Variants in RYR2 observed in about 807,000 individuals in gnomAD.
RYR2 encodes cardiac muscle ryanodine receptor-calcium release channel.
Under a neutral mutation model 601.1 loss-of-function variants are expected in RYR2, and 227 were observed. The ratio of observed to expected loss-of-function variants is 0.38; its 90% CI spans 0.34 to 0.42. The LOEUF (loss-of-function observed/expected upper bound fraction) is 0.42, where lower values mean the gene tolerates loss of function less well. Ranked by LOEUF, RYR2 falls within the 10% of genes least tolerant of loss-of-function variation. The pLI is 1.00. For missense variants in RYR2, 4,646 were observed against 6,156.5 expected (o/e 0.75, Z 8.21); for synonymous variants, 2,223 against 2,175.1 (o/e 1.02, Z -0.61).
At chr1:237,313,556 C>A (rs769112884) in intron 2 of RYR2, among the ~76,000 whole-genome samples, 1 of 152,182 alleles carries the variant, frequency 6.6e-6, no homozygotes, top group Non-Finnish European at 1.5e-5. Flanking sequence ...CAGATTCTCC[C>A]TGGCGAGCTT....
At chr1:237,682,754 C>A (rs373418163) in intron 62 of RYR2, among the ~76,000 whole-genome samples, 1 of 152,058 alleles carries the variant, frequency 6.6e-6, no homozygotes, top group Non-Finnish European at 1.5e-5. Context: ...ATAGAAAAAG[C>A]GTTGGTAAAT....
chr1:237,373,246 A>T (rs1301178956), intron 6 of RYR2, among the ~76,000 whole-genome samples: 1 of 152,114 alleles, frequency 6.6e-6, no homozygotes, highest in East Asian at 1.9e-4. Context: ...AAGTTTAGGG[A>T]CCCTGGGAGC....
At chr1:237,235,062 C>A (rs1284318906) in intron 1 of RYR2, among the ~76,000 whole-genome samples, 4 of 152,154 alleles carry the variant, frequency 2.6e-5, no homozygotes. Flanking sequence ...GAAGCCCAGG[C>A]CTCTTCTCCA....
intron 87 of RYR2, among the ~76,000 whole-genome samples, chr1:237,775,089 A>C (rs918669651): frequency 6.6e-6 from 1 of 151,632 alleles, no homozygotes; most frequent in Non-Finnish European, 1.5e-5. Context: ...AAAAAAAAAA[A>C]AAAAAACAGA....
intron 36 of RYR2, among the ~76,000 whole-genome samples, chr1:237,613,754 G>A (rs1573120126): frequency 6.6e-6 from 1 of 152,186 alleles, no homozygotes; most frequent in South Asian, 2.1e-4. Flanking sequence ...AACATTTTGA[G>A]CACCAACATA....
chr1:237,775,012 T>C (rs2249190), intron 87 of RYR2, among the ~76,000 whole-genome samples: 39,026 of 148,698 alleles, frequency 0.26, 5,994 homozygotes, highest in African/African-American at 0.43. Context: ...CAGATTTCTA[T>C]GTGAATGTTT....
intron 83 of RYR2, 109 bp downstream of exon 83, chr1:237,759,961 A>T: frequency 1.4e-6 from 1 of 737,224 alleles, no homozygotes; most frequent in South Asian, 1.6e-5. Flanking sequence ...TTAATGATTA[A>T]CAACACTTTA....
intron 3 of RYR2, among the ~76,000 whole-genome samples, chr1:237,344,972 A>G (rs564507702): frequency 6.6e-6 from 1 of 151,942 alleles, no homozygotes; most frequent in East Asian, 1.9e-4. Flanking sequence ...CACCACACCC[A>G]GCTAATTTTT....
chr1:237,071,239 T>C (rs1362340855), intron 1 of RYR2, among the ~76,000 whole-genome samples: 1 of 152,074 alleles, frequency 6.6e-6, no homozygotes, highest in Non-Finnish European at 1.5e-5. Context: ...GTTTTTTTTT[T>C]TGAGACGAAG....
At chr1:237,761,790 A>G (rs550859834) in intron 84 of RYR2, among the ~76,000 whole-genome samples, 1 of 152,174 alleles carries the variant, frequency 6.6e-6, no homozygotes, top group South Asian at 2.1e-4. Flanking sequence ...AGTTTTACTC[A>G]GGGCCCCGTA....
chr1:237,172,619 T>C (rs1677539003), intron 1 of RYR2, among the ~76,000 whole-genome samples: 1 of 152,206 alleles, frequency 6.6e-6, no homozygotes, highest in Non-Finnish European at 1.5e-5. Flanking sequence ...GGAAATCTTT[T>C]TAGAAATGTA....
intron 38 of RYR2, among the ~76,000 whole-genome samples, chr1:237,622,311 T>C (rs1679160057): frequency 1.3e-5 from 2 of 152,284 alleles, no homozygotes; most frequent in Non-Finnish European, 2.9e-5. Flanking sequence ...AGATTAACCA[T>C]GCCGAATATG....
Position 237,639,961 on chromosome 1 carries a change from C to A in RYR2, c.7115+760C>A, listed in dbSNP as rs535526051. The stretch of plus-strand genomic sequence containing the variant: ...ACTGGGCATAGATGTTCCATGTACA[C>A]CATAGCCGGATTTGCAGACTGGGAG... On this transcript the variant is annotated intron_variant, in intron 46 of 104. Coordinates refer to ENST00000366574, the MANE Select transcript of RYR2 (RefSeq NM_001035.3). Among the ~76,000 whole-genome samples the A allele has an allele frequency of 9.5e-4, 144 of 152,200 alleles. 1 individual carries two copies. The highest frequency in any genetic ancestry group is 9.4e-4 in the Non-Finnish European group (64 of 68,002).
At chr1:237,192,366 C>T (rs984836899) in intron 1 of RYR2, among the ~76,000 whole-genome samples, 19 of 152,066 alleles carry the variant, frequency 1.2e-4, no homozygotes, top group Non-Finnish European at 2.1e-4. Flanking sequence ...TCGCCCACCA[C>T]GCCCGGCTAA....
At chr1:237,753,380 A>G (rs557454303) in intron 80 of RYR2, among the ~76,000 whole-genome samples, 1 of 152,316 alleles carries the variant, frequency 6.6e-6, no homozygotes, top group Non-Finnish European at 1.5e-5. Context: ...CCAAGTGTTA[A>G]AAGCTTGACA....
intron 27 of RYR2, among the ~76,000 whole-genome samples, chr1:237,556,500 G>A (rs1352367758): frequency 1.9e-4 from 29 of 148,836 alleles, no homozygotes; most frequent in Non-Finnish European, 3.0e-4. Context: ...TAGTAGAGGC[G>A]GGGTTTCACC....
At chr1:237,326,825 G>A (rs2149548984) in intron 2 of RYR2, among the ~76,000 whole-genome samples, 1 of 152,230 alleles carries the variant, frequency 6.6e-6, no homozygotes, top group Non-Finnish European at 1.5e-5. Flanking sequence ...TTCCATTCCT[G>A]GCATTAGGAG....
At chr1:237,141,438 G>A (rs146219728) in intron 1 of RYR2, among the ~76,000 whole-genome samples, 5 of 151,706 alleles carry the variant, frequency 3.3e-5, no homozygotes, top group East Asian at 4.3e-4. Context: ...CTAATGAGGC[G>A]TCCCCCAAAT....
At chr1:237,649,471 T>A (rs998784460) in intron 49 of RYR2, among the ~76,000 whole-genome samples, 1 of 152,160 alleles carries the variant, frequency 6.6e-6, no homozygotes, top group South Asian at 2.1e-4. Flanking sequence ...TAAATATGAA[T>A]AATAAAGAGA....
Sources: allele counts gnomAD v4.1 joint callset (sites outside exome capture counted in the v4.1 genomes callset), GRCh38; gene constraint gnomAD v4.1.1; transcripts MANE v1.5; gene names NCBI Gene and HGNC (gene_info 2026-07-23, HGNC 2026-07-21).